Variants in KLHL22 observed in about 807,000 individuals in gnomAD.
The protein encoded by KLHL22 is kelch-like protein 22.
In KLHL22, 18 loss-of-function variants were observed where a neutral mutation model predicts 60.7. That is an observed-to-expected ratio of 0.30 (90% CI 0.20 to 0.44). The LOEUF (loss-of-function observed/expected upper bound fraction) is 0.44, where lower values mean the gene tolerates loss of function less well. KLHL22 is among the 20% of genes least tolerant of loss of function. KLHL22 has a pLI of 1.00. For synonymous variants in KLHL22, 355 were observed against 354.5 expected (o/e 1.00, Z -0.01); for missense variants, 596 against 852.3 (o/e 0.70, Z 3.74).
rs202247508 is a variant in KLHL22, at chr22:20,442,228, A to C, written c.1750T>G (p.Ser584Ala). 96 of 1,608,982 alleles carry C rather than the reference A, an allele frequency of 6.0e-5. No individual in the cohort carries two copies. Among genetic ancestry groups the C allele is most frequent in the Non-Finnish European group, 7.6e-5 (89 of 1,176,998 alleles). The change falls in exon 7 of 7, where the codon TCA (serine) becomes GCA (alanine). Residue 584 changes from serine (S) to alanine (A), a missense_variant. Physicochemically the swap from Ser to Ala is moderately conservative, Grantham distance 99 (BLOSUM62 1). Transcript: ENST00000328879. ...EEGPQLDNSI[S>A]GLAACVLTLP... ...GTGAGCACACAGGCCGCCAGGCCTG[A>C]GATGGAGTTGTCCAGCTGGGGCCCT...
chr22:20,471,607 C>A, intron 2 of KLHL22, 92 bp from the exon 3 acceptor site: 1 of 1,411,806 alleles, frequency 7.1e-7, no homozygotes, highest in Non-Finnish European at 9.8e-7. Flanking sequence ...AAGAACCTGG[C>A]GCTGGTGGCA....
At chr22:20,446,274 A>G (rs1254380540) in intron 6 of KLHL22, among the ~76,000 whole-genome samples, 169 bp downstream of exon 6, 1 of 152,144 alleles carries the variant, frequency 6.6e-6, no homozygotes, top group Non-Finnish European at 1.5e-5. Flanking sequence ...TGGGGGGAAA[A>G]GGGGGTGTAT....
At chr22:20,463,886 G>GCAT (rs1384305633) in intron 4 of KLHL22, among the ~76,000 whole-genome samples, 1 of 152,156 alleles carries the variant, frequency 6.6e-6, no homozygotes, top group African/African-American at 2.4e-5. Flanking sequence ...ATTCCAAGTG[G>GCAT]CATGGCCAGG....
At chr22:20,471,103 A>C (rs2053319088) in intron 3 of KLHL22, among the ~76,000 whole-genome samples, 1 of 152,058 alleles carries the variant, frequency 6.6e-6, no homozygotes, top group South Asian at 2.1e-4. Flanking sequence ...GGAGACTCAG[A>C]CAGTGGGGAA....
chr22:20,475,081 T>C (rs2053388083), intron 2 of KLHL22: 1 of 152,246 alleles, frequency 6.6e-6, no homozygotes, highest in South Asian at 2.1e-4. Context: ...CAGTTTTCTG[T>C]TAGACTGTCT....
At chr22:20,471,658 A>G in intron 2 of KLHL22, 143 bp from the exon 3 acceptor site, 1 of 794,360 alleles carries the variant, frequency 1.3e-6, no homozygotes, top group South Asian at 1.7e-5. Context: ...GCTCTGAGTG[A>G]ACTGTGTGCA....
At chr22:20,482,036 C>A (rs1304250966) in intron 2 of KLHL22, 1 of 152,186 alleles carries the variant, frequency 6.6e-6, no homozygotes, top group Non-Finnish European at 1.5e-5. Flanking sequence ...CATCCTGGGC[C>A]GGTTCACACC....
intron 4 of KLHL22, among the ~76,000 whole-genome samples, chr22:20,458,628 A>G (rs1269525653): frequency 6.6e-6 from 1 of 151,528 alleles, no homozygotes; most frequent in Non-Finnish European, 1.5e-5. Context: ...CAGCCTCTCC[A>G]CTGGATGGGT....
chr22:20,482,732 C>G, intron 2 of KLHL22: 1 of 602,130 alleles, frequency 1.7e-6, no homozygotes, highest in Non-Finnish European at 2.8e-6. Flanking sequence ...ACCACAACAC[C>G]TGGCTAATTT....
At chr22:20,479,062 G>A (rs995609273) in intron 2 of KLHL22, among the ~76,000 whole-genome samples, 4 of 151,440 alleles carry the variant, frequency 2.6e-5, no homozygotes, top group African/African-American at 7.3e-5. Context: ...CTGGGAGGTG[G>A]AGGTTGCAGT....
chr22:20,488,965 A>T lies in KLHL22; in HGVS notation c.227+20T>A. Reference sequence around the variant, plus strand: ...GATTACCTTTGTTATTCTTCTTACAAACAGCTCTAGTGAACTCACCTGAAG... The same window carrying T: ...GATTACCTTTGTTATTCTTCTTACATACAGCTCTAGTGAACTCACCTGAAG... On this transcript the variant is annotated intron_variant, in intron 2 of 6. Coordinates refer to ENST00000328879, the MANE Select transcript of KLHL22 (RefSeq NM_032775.4). The T allele has an allele frequency of 1.2e-6, 2 of 1,609,842 alleles. No homozygotes were observed. The highest frequency in any genetic ancestry group is 1.7e-6 in the Non-Finnish European group (2 of 1,177,408).
At chr22:20,473,881 C>A (rs1248348374) in intron 2 of KLHL22, among the ~76,000 whole-genome samples, 7 of 151,896 alleles carry the variant, frequency 4.6e-5, no homozygotes, top group East Asian at 3.9e-4. Context: ...GTCACACACA[C>A]AAAAAAAATA....
At chr22:20,454,876 G>T (rs757846361) in intron 5 of KLHL22, among the ~76,000 whole-genome samples, 47 of 151,906 alleles carry the variant, frequency 3.1e-4, no homozygotes, top group African/African-American at 1.1e-3. Flanking sequence ...GAGGTTTTTT[G>T]TTTGTTTGTT....
chr22:20,442,835 G>A (rs1364301677), intron 6 of KLHL22, among the ~76,000 whole-genome samples: 1 of 152,254 alleles, frequency 6.6e-6, no homozygotes, highest in Non-Finnish European at 1.5e-5. Flanking sequence ...AAACGAAGCT[G>A]CCTGAGAGAC....
Position 20,488,945 on chromosome 22 carries a change from C to T in KLHL22, c.227+40G>A, listed in dbSNP as rs201322805. ...ACCTTTACTAGCAGAGCCAGGATTA[C>T]CTTTGTTATTCTTCTTACAAACAGC... On this transcript the variant is annotated intron_variant, in intron 2 of 6. Transcript: ENST00000328879. The T allele has an allele frequency of 1.3e-5, 21 of 1,590,304 alleles. No individual in the cohort carries two copies. In the East Asian group the frequency reaches 4.1e-4, roughly 31 times the overall value.
intron 1 of KLHL22, among the ~76,000 whole-genome samples, chr22:20,493,581 A>G (rs1343831968): frequency 6.6e-6 from 1 of 152,074 alleles, no homozygotes; most frequent in Non-Finnish European, 1.5e-5. Context: ...GGAGTTCAAG[A>G]CCAGCCTGGC....
rs1434188330 is a variant in KLHL22 at position 20,441,950 on chromosome 22, C to T, written c.*123G>A. 9.9e-7 allele frequency: 1 copy of T among 1,011,220 alleles called. No homozygotes were observed. Among genetic ancestry groups the T allele is most frequent in the South Asian group, 2.3e-5 (1 of 44,346 alleles). The allele number at this position is 1,011,220 out of a possible 1,614,324, so 62.6% of individuals were successfully genotyped here. ...TGGTGTGAAGAAAGAGGGCAGGGCC[C>T]ATAAGCTGTGGCCAACAGGGGCAGG... On this transcript the variant is annotated 3_prime_UTR_variant, in exon 7 of 7. Transcript: ENST00000328879.
intron 4 of KLHL22, among the ~76,000 whole-genome samples, chr22:20,458,971 C>A (rs1349345449): frequency 6.6e-6 from 1 of 152,066 alleles, no homozygotes; most frequent in African/African-American, 2.4e-5. Context: ...TGCGGCAGGC[C>A]CACGAGGGTG....
At chr22:20,494,822 G>T (rs775424115) in intron 1 of KLHL22, among the ~76,000 whole-genome samples, 1 of 152,232 alleles carries the variant, frequency 6.6e-6, no homozygotes, top group Non-Finnish European at 1.5e-5. Flanking sequence ...ATGAAGTGAT[G>T]GATGGCAGAG....
Sources: allele counts gnomAD v4.1 joint callset (sites outside exome capture counted in the v4.1 genomes callset), GRCh38; gene constraint gnomAD v4.1.1; transcripts MANE v1.5; gene names NCBI Gene and HGNC (gene_info 2026-07-23, HGNC 2026-07-21).